RB1: variants seen among roughly 807,000 people sequenced by gnomAD.
The protein encoded by RB1 is retinoblastoma-associated protein.
RB1 carries 18 observed loss-of-function variants against 135.4 expected under a neutral mutation model. That is an observed-to-expected ratio of 0.13 (90% confidence interval 0.09 to 0.20). RB1 has a LOEUF of 0.20. Ranked by LOEUF, RB1 falls within the 10% of genes least tolerant of loss-of-function variation. RB1 has a pLI of 1.00. For missense variants in RB1, 868 were observed against 1,110.0 expected, an observed-to-expected ratio of 0.78 and a Z score of 3.10; for synonymous variants, 365 against 373.2, an observed-to-expected ratio of 0.98 and a Z score of 0.25.
At chr13:48,309,786 AT>A (rs972409649) in intron 2 of RB1, among the ~76,000 whole-genome samples, 2 of 151,510 alleles carry the variant, frequency 1.3e-5, no homozygotes, top group East Asian at 1.9e-4. Context: ...CACATAACTT[AT>A]TTTTTTTTGT....
intron 17 of RB1, among the ~76,000 whole-genome samples, chr13:48,405,790 A>C (rs939867221): frequency 2.0e-5 from 3 of 152,012 alleles, no homozygotes; most frequent in Non-Finnish European, 2.9e-5. Flanking sequence ...TTCCAACCCC[A>C]CCCTTGTTTT....
At chr13:48,382,369 G>A (rs2138147197) in intron 17 of RB1, among the ~76,000 whole-genome samples, 1 of 152,272 alleles carries the variant, frequency 6.6e-6, no homozygotes, top group Non-Finnish European at 1.5e-5. Context: ...GTTGTTTCCT[G>A]ACTTTTTAAT....
intron 8 of RB1, among the ~76,000 whole-genome samples, chr13:48,363,204 GTTT>G (rs11332935): frequency 7.1e-6 from 1 of 141,748 alleles, no homozygotes; most frequent in African/African-American, 2.7e-5. Flanking sequence ...TTCAAATGTA[GTTT>G]TTTTTTTTTT....
intron 2 of RB1, chr13:48,317,866 A>G: frequency 2.6e-6 from 1 of 391,826 alleles, no homozygotes; most frequent in South Asian, 2.2e-5. Context: ...CCTGCACAGC[A>G]ACTCTGGCCT....
chr13:48,382,012 A>C (rs1025512128), intron 17 of RB1, among the ~76,000 whole-genome samples: 2 of 152,190 alleles, frequency 1.3e-5, no homozygotes, highest in African/African-American at 2.4e-5. Context: ...ATGTCCCTAC[A>C]AAGGACATGA....
intron 2 of RB1, among the ~76,000 whole-genome samples, chr13:48,327,045 A>G (rs1952293215): frequency 1.3e-5 from 2 of 152,150 alleles, no homozygotes; most frequent in South Asian, 4.1e-4. Context: ...CATTTAAAAT[A>G]AACCATATAA....
intron 3 of RB1, among the ~76,000 whole-genome samples, chr13:48,344,090 T>C (rs1952471287): frequency 6.6e-6 from 1 of 152,236 alleles, no homozygotes; most frequent in Non-Finnish European, 1.5e-5. Context: ...AATTCATGAT[T>C]AGAAATTAGC....
intron 12 of RB1, 40 bp from the exon 13 acceptor site, chr13:48,376,878 C>T (rs376179180): frequency 1.9e-4 from 309 of 1,611,294 alleles, no homozygotes; most frequent in Non-Finnish European, 2.3e-4. Context: ...TCTGATTACA[C>T]AGTATCCTCG....
chr13:48,366,625 A>G (rs995276783), intron 9 of RB1, among the ~76,000 whole-genome samples: 4 of 152,204 alleles, frequency 2.6e-5, no homozygotes, highest in African/African-American at 9.7e-5. Context: ...AATTCTAGCA[A>G]TTGAAAAAGT....
At position 48,362,835 on chromosome 13, in the gene RB1, A is replaced by G. The variant is rs1429451823; in HGVS notation, c.739A>G (p.Asn247Asp). Residue 247 changes from asparagine to aspartate, a missense_variant, in exon 8 of 27, where the codon AAT becomes GAT. Around this residue, in one of 3 missense-constraint regions of RB1, gnomAD observed 641 missense variants for 791.3 expected, o/e 0.81. Coordinates refer to ENST00000267163, the MANE Select transcript of RB1 (RefSeq NM_000321.3). Reference protein sequence around the residue: ...EPYKTAVIPINGSPRTPRRGQ... With the variant: ...EPYKTAVIPIDGSPRTPRRGQ... ...TACAGAAACAGCTGTTATACCCATT[A>G]ATGGTTCACCTCGAACACCCAGGCG... 49 of 1,613,810 alleles carry G rather than the reference A, an allele frequency of 3.0e-5. No individual in the cohort carries two copies. Among genetic ancestry groups the G allele is most frequent in the Non-Finnish European group, 4.0e-5 (47 of 1,179,804 alleles).
intron 17 of RB1, among the ~76,000 whole-genome samples, chr13:48,451,846 G>A (rs1263711539): frequency 6.6e-6 from 1 of 151,872 alleles, no homozygotes; most frequent in Non-Finnish European, 1.5e-5. Flanking sequence ...TCTTGGGAGG[G>A]TGTATGTGTT....
chr13:48,330,881 C>T (rs1952328233), intron 2 of RB1, among the ~76,000 whole-genome samples: 2 of 152,228 alleles, frequency 1.3e-5, no homozygotes, highest in South Asian at 2.1e-4. Flanking sequence ...CCCTGATGAA[C>T]ATATGTGCAA....
intron 11 of RB1, among the ~76,000 whole-genome samples, chr13:48,373,070 G>A (rs905947852): frequency 3.3e-5 from 5 of 152,176 alleles, no homozygotes; most frequent in Admixed American, 6.5e-5. Flanking sequence ...ATATTTGGTT[G>A]TAATAATGTT....
intron 17 of RB1, among the ~76,000 whole-genome samples, chr13:48,404,457 A>T (rs1354859683): frequency 3.3e-5 from 5 of 152,128 alleles, no homozygotes; most frequent in Non-Finnish European, 7.4e-5. Flanking sequence ...AAAAAATTCC[A>T]AAACTAATGA....
intron 12 of RB1, among the ~76,000 whole-genome samples, chr13:48,374,497 G>C (rs1952798317): frequency 6.6e-6 from 1 of 152,142 alleles, no homozygotes; most frequent in Admixed American, 6.5e-5. Context: ...CTCTTGCTAT[G>C]TTCCCCCAGG....
At chr13:48,379,564 G>C (rs755188599) in intron 13 of RB1, 30 bp from the exon 14 acceptor site, 3 of 1,604,836 alleles carry the variant, frequency 1.9e-6, no homozygotes, top group East Asian at 2.2e-5. Context: ...AAAATAGCAG[G>C]CTCTTATTTT....
intron 4 of RB1, among the ~76,000 whole-genome samples, chr13:48,345,962 T>C (rs184337625): frequency 1.3e-5 from 2 of 152,190 alleles, no homozygotes; most frequent in Admixed American, 1.3e-4. Flanking sequence ...TCCCCCTTTT[T>C]CTTTTTTGAC....
In RB1 at chr13:48,340,448, A is replaced by G. The variant is rs2138080594; in HGVS notation, c.265-2151A>G. Reference sequence around the variant, plus strand: ...GTAGAACATTTCACTTATGCATTTTATCATATCAGATGATCCTGTGTTTCA... The same window carrying G: ...GTAGAACATTTCACTTATGCATTTTGTCATATCAGATGATCCTGTGTTTCA... On this transcript the variant is annotated intron_variant, in intron 2 of 26. Transcript: ENST00000267163. Among the ~76,000 whole-genome samples, 3 of 152,316 alleles carry G rather than the reference A, an allele frequency of 2.0e-5. No homozygotes were observed. The South Asian group carries it at 6.2e-4, about 32-fold the overall frequency.
rs139575825 is a variant in RB1, at chr13:48,377,219, C to T, written c.1332+185C>T. 2.6e-3 allele frequency among the ~76,000 whole-genome samples: 400 copies of T among 152,032 alleles called. 3 individuals carry two copies. The highest frequency in any genetic ancestry group is 9.0e-3 in the African/African-American group (371 of 41,444). On this transcript the variant is annotated intron_variant, in intron 13 of 26. Coordinates refer to ENST00000267163, the MANE Select transcript of RB1 (RefSeq NM_000321.3). ...AACTTTATGGAAAACTACCTCCCAC[C>T]CCATTATAAAAACTATGTAATAAAG...
Sources: gnomAD v4.1 joint callset for allele counts (sites outside exome capture counted in the v4.1 genomes callset) on GRCh38, gnomAD v4.1.1 for gene constraint, gnomAD v4.1.1 regional missense constraint, MANE v1.5 for transcripts, NCBI Gene and HGNC (gene_info 2026-07-23, HGNC 2026-07-21) for gene names.